PHACTR2: variants seen among roughly 807,000 people sequenced by gnomAD.
PHACTR2 encodes the protein chromosome 6 open reading frame 56.
In PHACTR2, 30 loss-of-function variants were observed where a neutral mutation model predicts 76.0. That is an observed-to-expected ratio of 0.39 (90% CI 0.30 to 0.54). The LOEUF is 0.54. Ranked by LOEUF, PHACTR2 falls within the 20% of genes least tolerant of loss-of-function variation. PHACTR2 has a pLI of 0.61. For missense variants in PHACTR2, 696 were observed against 781.1 expected (o/e 0.89, Z 1.30); for synonymous variants, 292 against 292.5 (o/e 1.00, Z 0.02).
Position 143,541,139 on chromosome 6 carries a change from C to T in PHACTR2, c.217+3932C>T, listed in dbSNP as rs1358247944. Among the ~76,000 whole-genome samples the T allele has an allele frequency of 6.6e-6, 1 of 152,220 alleles. No individual in the cohort carries two copies. The highest frequency in any genetic ancestry group is 1.5e-5 in the Non-Finnish European group (1 of 68,044). On this transcript the variant is annotated intron_variant, in intron 1 of 11. Transcript: ENST00000367584. The surrounding 1 kb of genome is among the most constrained non-coding windows in gnomAD (Gnocchi z 5.3). ...TCTTTGTAAATAAAGTGATGTTTAA[C>T]TCAATTTTTAAAGTAAAATCTTGAA...
chr6:143,776,478 A>G lies in PHACTR2; in HGVS notation c.1590-850A>G, dbSNP rs973989399. Among the ~76,000 whole-genome samples the G allele has an allele frequency of 2.0e-5, 3 of 152,360 alleles. No homozygotes were observed. The East Asian group carries it at 5.8e-4, about 29-fold the overall frequency. On this transcript the variant is annotated intron_variant, in intron 8 of 12. Transcript: ENST00000440869. The surrounding 1 kb of genome is among the most constrained non-coding windows in gnomAD (Gnocchi z 5.3). ...GAAAAAGGGAGATTGCGTTCACGGCATAGCAACAACCGCATTTTAAATACT... is the reference window on the plus strand; with the variant it reads ...GAAAAAGGGAGATTGCGTTCACGGCGTAGCAACAACCGCATTTTAAATACT...
intron 1 of PHACTR2, among the ~76,000 whole-genome samples, chr6:143,544,084 A>T (rs6911131): frequency 6.6e-6 from 1 of 152,078 alleles, no homozygotes; most frequent in African/African-American, 2.4e-5. Context: ...TGCAGGCCAC[A>T]GAGACTAGAA....
intron 1 of PHACTR2, among the ~76,000 whole-genome samples, chr6:143,590,146 G>A (rs1775674140): frequency 6.6e-6 from 1 of 152,150 alleles, no homozygotes; most frequent in East Asian, 1.9e-4. Flanking sequence ...ATTTACATAA[G>A]AGTGGAATTT....
At position 143,663,536 on chromosome 6, in the gene PHACTR2, T is replaced by C. The variant is rs1562262906; in HGVS notation, c.14-48480T>C. 6.6e-6 allele frequency among the ~76,000 whole-genome samples: 1 copy of C among 152,206 alleles called. No individual in the cohort carries two copies. The highest frequency in any genetic ancestry group is 2.4e-5 in the African/African-American group (1 of 41,468). Reference sequence around the variant, plus strand: ...GTGATTATCTTTCCCTGAATAGATCTTTTCTTTGTTTTTTTAAATAAATGC... The same window carrying C: ...GTGATTATCTTTCCCTGAATAGATCCTTTCTTTGTTTTTTTAAATAAATGC... On this transcript the variant is annotated intron_variant, in intron 1 of 11. Coordinates refer to the PHACTR2 transcript ENST00000305766. The surrounding 1 kb of genome is among the most constrained non-coding windows in gnomAD (Gnocchi z 4.1).
Position 143,783,004 on chromosome 6 carries a change from CATGT to C in PHACTR2, c.1646-214_1646-211del, listed in dbSNP as rs941346319. 9.6e-5 allele frequency among the ~76,000 whole-genome samples: 4 copies of C among 41,756 alleles called. No individual in the cohort carries two copies. Among genetic ancestry groups the C allele is most frequent in the African/African-American group, 3.4e-4 (4 of 11,626 alleles). 27.4% of individuals were successfully genotyped at this position (41,756 alleles called of 152,430 possible). ...AAGCAAACCAGTCCTACAAAAAAAGCATGTGTGTGTGTGTGTGTGTGTGTGTGTG... is the reference window on the plus strand; with the variant it reads ...AAGCAAACCAGTCCTACAAAAAAAGCGTGTGTGTGTGTGTGTGTGTGTGTG... On this transcript the variant is annotated intron_variant, in intron 9 of 12. Transcript: ENST00000440869. The surrounding 1 kb of genome is among the most constrained non-coding windows in gnomAD (Gnocchi z 5.2).
rs555994343 is a variant in PHACTR2, at chr6:143,585,193, G to A, written c.217+47986G>A. Reference sequence around the variant, plus strand: ...AGGGACAGAGAGTGGGGGCTTAGTGGGGTAGAGACTGCATCTGCACCATGA... The same window carrying A: ...AGGGACAGAGAGTGGGGGCTTAGTGAGGTAGAGACTGCATCTGCACCATGA... On this transcript the variant is annotated intron_variant, in intron 1 of 11. Coordinates refer to the PHACTR2 transcript ENST00000367584. This position sits in a 1 kb window ranked among gnomAD's most constrained non-coding sequence, Gnocchi z 5.2. Among the ~76,000 whole-genome samples the A allele has an allele frequency of 1.4e-3, 212 of 152,176 alleles. No individual in the cohort carries two copies. Among genetic ancestry groups the A allele is most frequent in the Admixed American group, 1.7e-3 (26 of 15,280 alleles).
chr6:143,687,681 G>C (rs1222980191), intron 1 of PHACTR2, among the ~76,000 whole-genome samples: 2 of 152,100 alleles, frequency 1.3e-5, no homozygotes, highest in African/African-American at 4.8e-5. Context: ...ATTTCAAGGG[G>C]CTGGATGTTT....
At chr6:143,805,059 A>C (rs1776034564) in intron 11 of PHACTR2, among the ~76,000 whole-genome samples, 1 of 152,230 alleles carries the variant, frequency 6.6e-6, no homozygotes, top group African/African-American at 2.4e-5. Flanking sequence ...GGCATAGCCA[A>C]GACTAGAATC....
intron 1 of PHACTR2, among the ~76,000 whole-genome samples, chr6:143,565,606 A>C (rs1775352703): frequency 4.0e-5 from 1 of 24,914 alleles, no homozygotes; most frequent in Non-Finnish European, 1.3e-4. Flanking sequence ...CTCCGTCTCA[A>C]AAAAAAAAAA....
intron 1 of PHACTR2, among the ~76,000 whole-genome samples, chr6:143,638,795 G>A (rs1273437947): frequency 6.6e-6 from 1 of 152,108 alleles, no homozygotes; most frequent in Non-Finnish European, 1.5e-5. Context: ...CACAGACAAT[G>A]CTTCTTGCAT....
rs1317421057 is a variant in PHACTR2 at position 143,823,026 on chromosome 6, G to A, written c.1923-648G>A. ...GTGACTAATAGGAAATGCTGGATGA[G>A]GGAGAGAAATGAATTGCTAATCTGA... On this transcript the variant is annotated intron_variant, in intron 12 of 12. Coordinates refer to ENST00000440869, the MANE Select transcript of PHACTR2 (RefSeq NM_001100164.2). The surrounding 1 kb of genome is among the most constrained non-coding windows in gnomAD (Gnocchi z 5.7). Among the ~76,000 whole-genome samples, 5 of 152,190 alleles carry A rather than the reference G, an allele frequency of 3.3e-5. No individual in the cohort carries two copies. Among genetic ancestry groups the A allele is most frequent in the Non-Finnish European group, 5.9e-5 (4 of 68,040 alleles).
chr6:143,647,602 CAG>C lies in PHACTR2; in HGVS notation c.13+39284_13+39285del, dbSNP rs1232690817. 8.5e-5 allele frequency among the ~76,000 whole-genome samples: 13 copies of C among 152,112 alleles called. No individual in the cohort carries two copies. Among genetic ancestry groups the C allele is most frequent in the Admixed American group, 7.9e-4 (12 of 15,268 alleles). On this transcript the variant is annotated intron_variant, in intron 1 of 11. Transcript: ENST00000305766. This position sits in a 1 kb window ranked among gnomAD's most constrained non-coding sequence, Gnocchi z 4.2. ...CGGGAAAGAAGAGAAAATAGAGAGA[CAG>C]AGAATCATGGGGTTTTGACTTTACG...
At chr6:143,717,712 A>G (rs1778334929) in intron 2 of PHACTR2, among the ~76,000 whole-genome samples, 1 of 152,068 alleles carries the variant, frequency 6.6e-6, no homozygotes, top group South Asian at 2.1e-4. Context: ...AGCCGAGACT[A>G]CAGGCACACA....
At position 143,774,506 on chromosome 6, in the gene PHACTR2, A is replaced by T. The variant is rs985705117; in HGVS notation, c.1589+291A>T. Reference sequence around the variant, plus strand: ...TGGCCAGACAGTCTCTGTTGCAGCTACTCAACTGCGCTGCTGTAGCATAAA... The same window carrying T: ...TGGCCAGACAGTCTCTGTTGCAGCTTCTCAACTGCGCTGCTGTAGCATAAA... On this transcript the variant is annotated intron_variant, in intron 8 of 12. Coordinates refer to ENST00000440869, the MANE Select transcript of PHACTR2 (RefSeq NM_001100164.2). This position sits in a 1 kb window ranked among gnomAD's most constrained non-coding sequence, Gnocchi z 5.4. Among the ~76,000 whole-genome samples, 3 of 152,186 alleles carry T rather than the reference A, an allele frequency of 2.0e-5. No homozygotes were observed. Among genetic ancestry groups the T allele is most frequent in the African/African-American group, 7.2e-5 (3 of 41,444 alleles).
At chr6:143,687,025 C>G (rs1017265939) in intron 1 of PHACTR2, among the ~76,000 whole-genome samples, 1 of 152,076 alleles carries the variant, frequency 6.6e-6, no homozygotes, top group Non-Finnish European at 1.5e-5. Context: ...AAACATTGGT[C>G]CCAATATAGC....
At chr6:143,798,365 C>G (rs1040363483) in intron 11 of PHACTR2, among the ~76,000 whole-genome samples, 2 of 152,338 alleles carry the variant, frequency 1.3e-5, no homozygotes, top group South Asian at 2.1e-4. Flanking sequence ...TGGACTTCCT[C>G]TCTTCCTATT....
chr6:143,719,173 G>A (rs1311023719), intron 2 of PHACTR2, among the ~76,000 whole-genome samples: 1 of 149,466 alleles, frequency 6.7e-6, no homozygotes, highest in South Asian at 2.1e-4. Context: ...GTGAGCAACC[G>A]TGCCTGGCCT....
chr6:143,626,494 G>A (rs1014163424), intron 1 of PHACTR2, among the ~76,000 whole-genome samples: 5 of 144,160 alleles, frequency 3.5e-5, no homozygotes, highest in South Asian at 2.1e-4. Flanking sequence ...CCGAGATTGC[G>A]CCACTGCAGT....
In PHACTR2 at chr6:143,753,919, T is replaced by C; in HGVS notation, c.454+7T>C. 6.3e-7 allele frequency: 1 copy of C among 1,592,342 alleles called. No homozygotes were observed. The highest frequency in any genetic ancestry group is 8.5e-7 in the Non-Finnish European group (1 of 1,172,324). On this transcript the variant is annotated splice_region_variant and intron_variant, in intron 4 of 12. Coordinates refer to ENST00000440869, the MANE Select transcript of PHACTR2 (RefSeq NM_001100164.2). This position sits in a 1 kb window ranked among gnomAD's most constrained non-coding sequence, Gnocchi z 4.6. ...CAGGCAGAAGATAAGAAAGGTAAAA[T>C]AAAGACAAACCCATATTATTTACTT...
Sources: gnomAD v4.1 joint callset for allele counts (sites outside exome capture counted in the v4.1 genomes callset) on GRCh38, gnomAD v4.1.1 for gene constraint, Gnocchi (gnomAD v3.1) non-coding constraint, MANE v1.5 for transcripts, NCBI Gene and HGNC (gene_info 2026-07-23, HGNC 2026-07-21) for gene names.